Variants in NOL4 observed in about 807,000 individuals in gnomAD.
The protein encoded by NOL4 is cancer/testis antigen 125.
In NOL4, 17 loss-of-function variants were observed where a neutral mutation model predicts 75.9. The ratio of observed to expected loss-of-function variants is 0.22; its 90% CI spans 0.15 to 0.34. NOL4 has a LOEUF of 0.34. Among genes scored for constraint, NOL4 ranks in the 10% least tolerant of loss-of-function variants. NOL4 has a pLI of 1.00. For synonymous variants in NOL4, 292 were observed against 289.9 expected (o/e 1.01, Z -0.07); for missense variants, 614 against 793.5 (o/e 0.77, Z 2.72).
intron 6 of NOL4, among the ~76,000 whole-genome samples, chr18:33,975,527 A>G (rs796146242): frequency 2.0e-5 from 3 of 152,308 alleles, no homozygotes; most frequent in African/African-American, 7.2e-5. Flanking sequence ...TAATCCCAGC[A>G]CTTTGGGAGG....
intron 1 of NOL4, among the ~76,000 whole-genome samples, chr18:34,157,473 T>C (rs566818640): frequency 2.4e-4 from 37 of 152,094 alleles, no homozygotes; most frequent in African/African-American, 8.4e-4. Context: ...GTAAGATATA[T>C]AGAATTGTCC....
At chr18:34,129,759 G>T in intron 2 of NOL4, 112 bp downstream of exon 2, 1 of 998,660 alleles carries the variant, frequency 1.0e-6, no homozygotes, top group Non-Finnish European at 1.4e-6. Context: ...CCATCATATG[G>T]CCTAATTTAT....
chr18:34,217,371 G>A (rs924892015), intron 1 of NOL4, among the ~76,000 whole-genome samples: 20 of 151,382 alleles, frequency 1.3e-4, no homozygotes, highest in Non-Finnish European at 1.6e-4. Context: ...TGCAACCTCC[G>A]CCTCCCGGGT....
At chr18:34,014,358 C>T (rs529672602) in intron 6 of NOL4, among the ~76,000 whole-genome samples, 3 of 151,886 alleles carry the variant, frequency 2.0e-5, no homozygotes, top group Admixed American at 6.6e-5. Context: ...ACAATAATCA[C>T]GTGCCCACCG....
chr18:34,174,135 T>C (rs1305287441), intron 1 of NOL4, among the ~76,000 whole-genome samples: 3 of 152,188 alleles, frequency 2.0e-5, no homozygotes, highest in African/African-American at 7.2e-5. Flanking sequence ...CATCATTCAA[T>C]GAGTAGTGTC....
chr18:33,852,966 C>T lies in NOL4; in HGVS notation c.1793G>A (p.Arg598Lys). ...GATTTCAGTTGGACTCAGCTGGGGT[C>T]TGGAGTTTGAGCTGCTGGAGGATCC... ...SSGSSSSSNS[R>K]PQLSPTEINA... The change falls in exon 11 of 11, where the codon AGA becomes AAA. Residue 598 changes from arginine (R) to lysine (K), a missense_variant. By Grantham distance (26) the Arg-to-Lys change is conservative. Around this residue, in one of 9 missense-constraint regions of NOL4, gnomAD observed 128 missense variants for 159.9 expected, o/e 0.80. Transcript: ENST00000261592. The T allele has an allele frequency of 6.2e-7, 1 of 1,613,148 alleles. No homozygotes were observed. Among genetic ancestry groups the T allele is most frequent in the Non-Finnish European group, 8.5e-7 (1 of 1,179,458 alleles).
At chr18:34,185,965 TCTTA>T (rs1225972258) in intron 1 of NOL4, among the ~76,000 whole-genome samples, 1 of 152,228 alleles carries the variant, frequency 6.6e-6, no homozygotes, top group Non-Finnish European at 1.5e-5. Context: ...GGAATATTTT[TCTTA>T]CTTCATTTTA....
intron 6 of NOL4, among the ~76,000 whole-genome samples, chr18:33,966,500 A>T (rs1392427726): frequency 6.6e-6 from 1 of 152,198 alleles, no homozygotes; most frequent in Non-Finnish European, 1.5e-5. Flanking sequence ...AAGGCAGTCA[A>T]ATCATCTCTC....
intron 5 of NOL4, among the ~76,000 whole-genome samples, chr18:34,069,307 G>A (rs1555713087): frequency 6.6e-6 from 1 of 152,032 alleles, no homozygotes; most frequent in South Asian, 2.1e-4. Context: ...ATGAATAAGT[G>A]GATTTAAAAT....
chr18:34,056,637 T>A (rs977156314), intron 5 of NOL4, among the ~76,000 whole-genome samples: 4 of 152,310 alleles, frequency 2.6e-5, no homozygotes, highest in Admixed American at 2.6e-4. Context: ...CTTGTTGCTA[T>A]TGTAAAAGAA....
intron 5 of NOL4, among the ~76,000 whole-genome samples, chr18:34,038,085 TAAAC>T (rs2075989072): frequency 6.6e-6 from 1 of 151,954 alleles, no homozygotes; most frequent in Non-Finnish European, 1.5e-5. Flanking sequence ...GCAAAGGACA[TAAAC>T]AGACAATTCC....
intron 9 of NOL4, among the ~76,000 whole-genome samples, chr18:33,886,812 G>T (rs1317359617): frequency 3.7e-5 from 5 of 134,540 alleles, no homozygotes; most frequent in African/African-American, 5.8e-5. Context: ...TACGTATATA[G>T]ATATATCTAT....
chr18:34,032,461 C>A (rs1941355), intron 5 of NOL4, among the ~76,000 whole-genome samples: 82,790 of 151,868 alleles, frequency 0.55, 23,345 homozygotes, highest in Non-Finnish European at 0.63. Flanking sequence ...TTGCTTAGCC[C>A]AGTCCACCAC....
intron 2 of NOL4, among the ~76,000 whole-genome samples, chr18:34,114,281 T>C (rs78572558): frequency 0.034 from 5,216 of 152,268 alleles, 95 homozygotes; most frequent in Middle Eastern, 0.048. Flanking sequence ...TATTTTTATA[T>C]TTCAGAAAGA....
At chr18:34,134,553 G>A (rs1158580491) in intron 1 of NOL4, among the ~76,000 whole-genome samples, 1 of 149,810 alleles carries the variant, frequency 6.7e-6, no homozygotes, top group Non-Finnish European at 1.5e-5. Flanking sequence ...AATAATAGCT[G>A]GAAACGTAAA....
chr18:34,169,586 C>T (rs1423905757), intron 1 of NOL4, among the ~76,000 whole-genome samples: 1 of 151,716 alleles, frequency 6.6e-6, no homozygotes, highest in African/African-American at 2.4e-5. Context: ...AAATATATGC[C>T]ACTTACAAAA....
At chr18:34,153,741 A>G (rs372902480) in intron 1 of NOL4, among the ~76,000 whole-genome samples, 2 of 151,996 alleles carry the variant, frequency 1.3e-5, no homozygotes, top group East Asian at 3.9e-4. Context: ...TAATAAAGGA[A>G]CCTCAAAATA....
intron 6 of NOL4, among the ~76,000 whole-genome samples, chr18:33,970,710 A>T (rs900227324): frequency 6.6e-6 from 1 of 151,422 alleles, no homozygotes; most frequent in South Asian, 2.1e-4. Flanking sequence ...TGGAAAACTT[A>T]CTTCTTCAAG....
At chr18:33,961,657 A>T (rs1600068231) in intron 6 of NOL4, among the ~76,000 whole-genome samples, 1 of 152,072 alleles carries the variant, frequency 6.6e-6, no homozygotes, top group African/African-American at 2.4e-5. Context: ...CAATGACTTC[A>T]TTAAGGCTCA....
Sources: allele counts gnomAD v4.1 joint callset (sites outside exome capture counted in the v4.1 genomes callset), GRCh38; gene constraint gnomAD v4.1.1; regional missense constraint gnomAD v4.1.1; transcripts MANE v1.5; gene names NCBI Gene and HGNC (gene_info 2026-07-23, HGNC 2026-07-21).